ANKRD33B: variants seen among roughly 807,000 people sequenced by gnomAD.
The protein encoded by ANKRD33B is ankyrin repeat domain-containing protein 33B.
A neutral mutation model predicts 21.5 loss-of-function variants in ANKRD33B; 6 were observed. The observed-to-expected ratio is 0.28, with a 90% CI of 0.15 to 0.55. ANKRD33B has a LOEUF of 0.55. ANKRD33B is among the 20% of genes least tolerant of loss of function. The probability of loss-of-function intolerance (pLI) is 0.94; values close to 1 mark genes in which losing one functional copy is unlikely to be tolerated. For missense variants in ANKRD33B, 698 were observed against 747.2 expected, an observed-to-expected ratio of 0.93 and a Z score of 0.77; for synonymous variants, 347 against 342.4, an observed-to-expected ratio of 1.01 and a Z score of -0.15.
At chr5:10,582,941 G>T (rs912297630) in intron 1 of ANKRD33B, among the ~76,000 whole-genome samples, 3 of 151,310 alleles carry the variant, frequency 2.0e-5, no homozygotes, top group Non-Finnish European at 2.9e-5. Flanking sequence ...TTTCTGCCCT[G>T]TGCAGTCCGG....
Position 10,564,541 on chromosome 5 carries a change from C to G in ANKRD33B, c.74C>G (p.Pro25Arg), listed in dbSNP as rs1299159890. Reference sequence around the variant, plus strand: ...ATGACCCCACCACCGCCGTCCCCACCCCGGGGCGCGCAGGTCGAGGAGGAC... The same window carrying G: ...ATGACCCCACCACCGCCGTCCCCACGCCGGGGCGCGCAGGTCGAGGAGGAC... ...RCMTPPPPSP[P>R]RGAQVEEDPA... is the part of the protein sequence containing the mutation. The change falls in exon 1 of 4, where the codon CCC becomes CGC. Residue 25 changes from proline (P) to arginine (R), a missense_variant. Physicochemically the swap from Pro to Arg is moderately radical, Grantham distance 103 (BLOSUM62 -2). This residue lies in a region of ANKRD33B where 148 missense variants were observed against 154.9 expected (regional missense o/e 0.96). Transcript: ENST00000296657. 11 of 1,533,316 alleles carry G rather than the reference C, an allele frequency of 7.2e-6. No individual in the cohort carries two copies. The East Asian group carries it at 2.0e-4, about 27-fold the overall frequency. The allele number at this position is 1,533,316 out of a possible 1,614,324, so 95.0% of individuals were successfully genotyped here. A position where few individuals can be genotyped will look rare whatever the true frequency, so the allele number is the denominator to read the frequency against.
At chr5:10,567,532 G>T (rs545579046) in intron 1 of ANKRD33B, among the ~76,000 whole-genome samples, 11 of 152,176 alleles carry the variant, frequency 7.2e-5, no homozygotes, top group African/African-American at 2.7e-4. Context: ...TCTCCCCGAC[G>T]GCAGTGTGGG....
chr5:10,651,119 A>G lies in ANKRD33B; in HGVS notation c.*1006A>G, dbSNP rs1366801321. 2.6e-5 allele frequency: 4 copies of G among 152,490 alleles called. No individual in the cohort carries two copies. Among genetic ancestry groups the G allele is most frequent in the African/African-American group, 9.6e-5 (4 of 41,562 alleles). 9.4% of individuals were successfully genotyped at this position (152,490 alleles called of 1,614,324 possible). On this transcript the variant is annotated 3_prime_UTR_variant, in exon 4 of 4. Coordinates refer to ENST00000296657, the MANE Select transcript of ANKRD33B (RefSeq NM_001164440.2). ...CAGGAATGGGGAGGAGGTGATTTTT[A>G]GAAGAGGTGAGAGAATGGAATGGGG...
chr5:10,574,681 T>C (rs926231980), intron 1 of ANKRD33B, among the ~76,000 whole-genome samples: 2 of 152,152 alleles, frequency 1.3e-5, no homozygotes, highest in African/African-American at 4.8e-5. Flanking sequence ...ACAGTAGCTG[T>C]CATCAAAAAG....
At chr5:10,638,683 G>A (rs1413294783) in intron 3 of ANKRD33B, among the ~76,000 whole-genome samples, 1 of 152,080 alleles carries the variant, frequency 6.6e-6, no homozygotes, top group African/African-American at 2.4e-5. Flanking sequence ...GAGGTGACGT[G>A]GAGTTGCATG....
intron 3 of ANKRD33B, among the ~76,000 whole-genome samples, chr5:10,641,225 C>CTTTTTTTTTTT (rs772445527): frequency 1.3e-5 from 1 of 77,448 alleles, no homozygotes; most frequent in African/African-American, 4.3e-5. Context: ...TCTTCTTCTT[C>CTTTTTTTTTTT]TTTTTTTTTT....
chr5:10,594,530 T>G (rs1471079331), intron 1 of ANKRD33B, among the ~76,000 whole-genome samples: 1 of 152,174 alleles, frequency 6.6e-6, no homozygotes, highest in East Asian at 1.9e-4. Context: ...AAACACATTC[T>G]TCTTTCTACT....
chr5:10,602,323 G>C (rs1735951380), intron 1 of ANKRD33B, among the ~76,000 whole-genome samples: 1 of 152,246 alleles, frequency 6.6e-6, no homozygotes, highest in Non-Finnish European at 1.5e-5. Flanking sequence ...ACGCTCCCAG[G>C]GGACGCTGAT....
intron 1 of ANKRD33B, among the ~76,000 whole-genome samples, chr5:10,571,106 A>C (rs1299612059): frequency 6.6e-6 from 1 of 152,130 alleles, no homozygotes; most frequent in East Asian, 1.9e-4. Context: ...AATTTCCCCC[A>C]TAGTCTGTGA....
chr5:10,579,521 G>A (rs913796655), intron 1 of ANKRD33B, among the ~76,000 whole-genome samples: 4 of 152,132 alleles, frequency 2.6e-5, no homozygotes, highest in African/African-American at 9.7e-5. Context: ...AACTACTTGT[G>A]CATGACTTTG....
intron 1 of ANKRD33B, among the ~76,000 whole-genome samples, chr5:10,593,574 A>G (rs780462883): frequency 2.6e-5 from 4 of 151,760 alleles, no homozygotes; most frequent in Non-Finnish European, 5.9e-5. Flanking sequence ...CCCTGGGTCA[A>G]CCTCCTGTTC....
chr5:10,647,219 C>T (rs1579760578), intron 3 of ANKRD33B, among the ~76,000 whole-genome samples: 2 of 152,108 alleles, frequency 1.3e-5, no homozygotes, highest in Non-Finnish European at 2.9e-5. Flanking sequence ...ATTCTCCTGC[C>T]TCAGCCTCCT....
intron 2 of ANKRD33B, among the ~76,000 whole-genome samples, chr5:10,632,391 C>T (rs10866477): frequency 0.19 from 29,318 of 152,076 alleles, 3,073 homozygotes; most frequent in Non-Finnish European, 0.24. Context: ...GCTGAGAAGC[C>T]GGTCGGGCCC....
At chr5:10,623,968 C>A (rs963575130) in intron 2 of ANKRD33B, among the ~76,000 whole-genome samples, 1 of 152,178 alleles carries the variant, frequency 6.6e-6, no homozygotes, top group African/African-American at 2.4e-5. Flanking sequence ...ATACCTCTTC[C>A]ACCTCACTGT....
chr5:10,632,096 C>T (rs1736732498), intron 2 of ANKRD33B, among the ~76,000 whole-genome samples: 1 of 151,864 alleles, frequency 6.6e-6, no homozygotes, highest in African/African-American at 2.4e-5. Context: ...CAAGGGTTCT[C>T]TGGGGTCCCC....
intron 1 of ANKRD33B, among the ~76,000 whole-genome samples, chr5:10,578,077 C>T (rs1447861508): frequency 6.6e-6 from 1 of 152,218 alleles, no homozygotes; most frequent in Non-Finnish European, 1.5e-5. Flanking sequence ...GAGTGAACTG[C>T]ACCAGGCCAT....
intron 2 of ANKRD33B, among the ~76,000 whole-genome samples, chr5:10,626,924 C>T (rs1448109533): frequency 6.6e-6 from 1 of 152,166 alleles, no homozygotes; most frequent in Admixed American, 6.5e-5. Flanking sequence ...TTAAAGCAAC[C>T]ATATGTTTAT....
At chr5:10,648,616 T>A (rs1420864935) in intron 3 of ANKRD33B, among the ~76,000 whole-genome samples, 3 of 152,072 alleles carry the variant, frequency 2.0e-5, no homozygotes, top group African/African-American at 7.2e-5. Context: ...AAAATTAGCC[T>A]GGCGTGGTAG....
intron 1 of ANKRD33B, among the ~76,000 whole-genome samples, chr5:10,574,137 G>A (rs886777498): frequency 3.3e-5 from 5 of 152,142 alleles, no homozygotes; most frequent in Admixed American, 6.5e-5. Context: ...TCATTCCACC[G>A]GCTGTGTAGA....
Sources: gnomAD v4.1 joint callset for allele counts (sites outside exome capture counted in the v4.1 genomes callset) on GRCh38, gnomAD v4.1.1 for gene constraint, gnomAD v4.1.1 regional missense constraint, MANE v1.5 for transcripts, NCBI Gene and HGNC (gene_info 2026-07-23, HGNC 2026-07-21) for gene names.